The following PRKAR1A variants were observed in gnomAD, a reference collection of about 807,000 sequenced individuals.
The protein encoded by PRKAR1A is cAMP-dependent protein kinase type I-alpha regulatory subunit.
In PRKAR1A, 3 loss-of-function variants were observed where a neutral mutation model predicts 52.0. The ratio of observed to expected loss-of-function variants is 0.06; its 90% CI spans 0.03 to 0.15. PRKAR1A has a LOEUF of 0.15. Among genes scored for constraint, PRKAR1A ranks in the 10% least tolerant of loss-of-function variants. The pLI is 1.00. For synonymous variants in PRKAR1A, 188 were observed against 168.4 expected (o/e 1.12, Z -0.90); for missense variants, 240 against 477.4 (o/e 0.50, Z 4.63).
At chr17:68,534,842 C>T (rs185722966), downstream of PRKAR1A, among the ~76,000 whole-genome samples, 47 of 152,248 alleles carry the variant, frequency 3.1e-4, 1 homozygote, top group African/African-American at 1.1e-3. Flanking sequence ...ATGTATTGAT[C>T]GGTCAATAAA....
At chr17:68,480,510 T>C in the PRKAR1A span, among the ~76,000 whole-genome samples, 5 of 152,180 alleles carry the variant, frequency 3.3e-5, no homozygotes, top group Admixed American at 3.3e-4. Context: ...GTTTAGTTTC[T>C]CAGGGGAAAA....
At chr17:68,432,063 A>T in the PRKAR1A span, among the ~76,000 whole-genome samples, 1 of 152,224 alleles carries the variant, frequency 6.6e-6, no homozygotes, top group African/African-American at 2.4e-5. Flanking sequence ...AAATCCTAAA[A>T]AGTGGATATA....
downstream of PRKAR1A, among the ~76,000 whole-genome samples, chr17:68,534,071 T>C (rs1487264236): frequency 1.3e-5 from 2 of 152,236 alleles, no homozygotes; most frequent in African/African-American, 4.8e-5. Context: ...TGTAGCTATG[T>C]GAATTTCTTA....
the PRKAR1A span, chr17:68,434,559 T>A: frequency 1.2e-6 from 2 of 1,613,906 alleles, no homozygotes; most frequent in East Asian, 4.5e-5. Flanking sequence ...CACAGACCTT[T>A]TCATCCCTCT....
chr17:68,542,395 C>G lies in PRKAR1A; in HGVS notation c.974-8689C>G, dbSNP rs1389994294. Among the ~76,000 whole-genome samples the G allele has an allele frequency of 2.0e-5, 3 of 152,182 alleles. No homozygotes were observed. The East Asian group carries it at 5.8e-4, about 29-fold the overall frequency. On this transcript the variant is annotated intron_variant, in intron 11 of 11. Coordinates refer to the PRKAR1A transcript ENST00000585981. ...TGTCCCAACCTTACTGCATTCTATC[C>G]TTATGAGTAGAACACTCTTTATTAC...
chr17:68,498,716 C>T, the PRKAR1A span, among the ~76,000 whole-genome samples: 1 of 152,230 alleles, frequency 6.6e-6, no homozygotes, highest in Non-Finnish European at 1.5e-5. Flanking sequence ...CGCCACTGCC[C>T]GCTTGCTTCC....
Position 68,515,551 on chromosome 17 carries a change from G to A in PRKAR1A, c.152G>A (p.Arg51Lys). Residue 51 changes from arginine to lysine, a missense_variant, in exon 2 of 11, where the codon AGG becomes AAG. Arg to Lys is a conservative substitution (Grantham distance 26). Transcript: ENST00000589228. ...ARPERPMAFLREYFERLEKEE... is the reference protein window; with the variant it reads ...ARPERPMAFLKEYFERLEKEE... ...CCTGAGAGACCCATGGCATTCCTCA[G>A]GGAATACTTTGAGAGGTTGGAGAAG... is the stretch of plus-strand genomic sequence containing the variant. The A allele has an allele frequency of 6.2e-6, 10 of 1,612,686 alleles. No homozygotes were observed. Among genetic ancestry groups the A allele is most frequent in the Non-Finnish European group, 8.5e-6 (10 of 1,179,974 alleles).
At chr17:68,480,380 C>T in the PRKAR1A span, among the ~76,000 whole-genome samples, 5 of 152,116 alleles carry the variant, frequency 3.3e-5, no homozygotes, top group East Asian at 5.8e-4. Flanking sequence ...CTGTTAGGTG[C>T]CCCAGGGATA....
intron 2 of PRKAR1A, among the ~76,000 whole-genome samples, chr17:68,516,606 A>T (rs568487443): frequency 2.6e-5 from 4 of 152,080 alleles, no homozygotes; most frequent in Non-Finnish European, 5.9e-5. Context: ...AGTATAGTTT[A>T]TTAGTAAAAG....
At chr17:68,490,714 A>G in the PRKAR1A span, among the ~76,000 whole-genome samples, 1 of 152,092 alleles carries the variant, frequency 6.6e-6, no homozygotes, top group Admixed American at 6.5e-5. Flanking sequence ...AGAGGAGAAA[A>G]AGGAAAAAAG....
the PRKAR1A span, among the ~76,000 whole-genome samples, chr17:68,419,327 G>A: frequency 3.1e-3 from 472 of 152,320 alleles, 1 homozygote; most frequent in African/African-American, 0.01. Context: ...TTGGGAGGCC[G>A]AAGTGGGCAG....
rs531666019 is a variant in PRKAR1A, at chr17:68,541,042, C to G, written c.974-10042C>G. 1.3e-5 allele frequency: 20 copies of G among 1,542,042 alleles called. No homozygotes were observed. The African/African-American group carries it at 1.9e-4, about 15-fold the overall frequency. ...CTCCCCACACCTCCCCCTGCCCCCC[C>G]AATCCCTGCCTCCCTGATCCTGCCC... On this transcript the variant is annotated intron_variant, in intron 11 of 11. Transcript: ENST00000585981.
Position 68,529,940 on chromosome 17 carries a change from A to G in PRKAR1A, c.912A>G (p.Gln304=), listed in dbSNP as rs200223045. ...IILEGSAAVL[Q]RRSENEEFVE... ...TATAGGGGTCAGCTGCTGTGCTACA[A>G]CGTCGGTCAGAAAATGAAGAGTTTG... Residue 304 remains glutamine, a synonymous_variant, in exon 10 of 11, where the codon CAA becomes CAG. Transcript: ENST00000589228. The G allele has an allele frequency of 1.4e-5, 23 of 1,613,986 alleles. No homozygotes were observed. The highest frequency in any genetic ancestry group is 1.7e-5 in the Non-Finnish European group (20 of 1,179,984).
At chr17:68,450,960 C>T in the PRKAR1A span, 1 of 1,555,034 alleles carries the variant, frequency 6.4e-7, no homozygotes, top group Non-Finnish European at 8.7e-7. Flanking sequence ...ATTCCAGCCT[C>T]CATGACACTG....
chr17:68,433,471 T>TTGG, the PRKAR1A span: 3 of 1,614,018 alleles, frequency 1.9e-6, no homozygotes, highest in Non-Finnish European at 2.5e-6. Flanking sequence ...TACTTGCCTG[T>TTGG]TGGTGACCTG....
the PRKAR1A span, among the ~76,000 whole-genome samples, chr17:68,475,032 G>GA: frequency 6.6e-6 from 1 of 152,124 alleles, no homozygotes; most frequent in Non-Finnish European, 1.5e-5. Context: ...CTCAACATCT[G>GA]AAAATCAATG....
the PRKAR1A span, chr17:68,426,252 G>GGGGGA: frequency 2.4e-6 from 2 of 828,182 alleles, no homozygotes; most frequent in Non-Finnish European, 3.8e-6. Context: ...TGGGGAGCGG[G>GGGGGA]GGCTCAAATA....
chr17:68,495,973 TCTCTCCTCTCCTCTCCTCTCCTCTC>T, the PRKAR1A span, among the ~76,000 whole-genome samples: 7 of 19,350 alleles, frequency 3.6e-4, no homozygotes, highest in Non-Finnish European at 4.1e-4. Flanking sequence ...TCTCCTCTCC[TCTCTCCTCTCCTCTCCTCTCCTCTC>T]CTCCCCTCCC....
the PRKAR1A span, among the ~76,000 whole-genome samples, chr17:68,415,000 C>T: frequency 7.2e-5 from 11 of 152,124 alleles, no homozygotes; most frequent in Admixed American, 1.3e-4. Context: ...TTTCATTTAT[C>T]TTTTTTATTT....
Sources: gnomAD v4.1 joint callset for allele counts (sites outside exome capture counted in the v4.1 genomes callset) on GRCh38, gnomAD v4.1.1 for gene constraint, MANE v1.5 for transcripts, NCBI Gene and HGNC (gene_info 2026-07-23, HGNC 2026-07-21) for gene names.